TPRG1: variants seen among roughly 807,000 people sequenced by gnomAD.
TPRG1 encodes tumor protein p63-regulated gene 1 protein.
In TPRG1, 29 loss-of-function variants were observed where a neutral mutation model predicts 29.3. The observed-to-expected ratio is 0.99, with a 90% CI of 0.74 to 1.35. The LOEUF (loss-of-function observed/expected upper bound fraction) is 1.35. Ranked by LOEUF, TPRG1 falls within the 40% of genes most tolerant of loss-of-function variation. The probability of loss-of-function intolerance (pLI) is 0.00; values close to 1 mark genes in which losing one functional copy is unlikely to be tolerated. For missense variants in TPRG1, 327 were observed against 335.0 expected (o/e 0.98, Z 0.19); for synonymous variants, 130 against 116.8 (o/e 1.11, Z -0.73).
At chr3:189,123,705 A>G (rs1722090658) in intron 1 of TPRG1, 1 of 152,214 alleles carries the variant, frequency 6.6e-6, no homozygotes, top group African/African-American at 2.4e-5. Context: ...TATAAGGTAC[A>G]ACATTCATTG....
upstream of TPRG1, among the ~76,000 whole-genome samples, chr3:189,098,806 C>T (rs1718867410): frequency 6.6e-6 from 1 of 152,150 alleles, no homozygotes; most frequent in Non-Finnish European, 1.5e-5. Context: ...CAAAATTCAA[C>T]ATGAAGTCTC....
In TPRG1 at chr3:189,322,676, T is replaced by C. The variant is rs1287509358; in HGVS notation, c.*1856T>C. 8 of 152,560 alleles carry C rather than the reference T, an allele frequency of 5.2e-5. No homozygotes were observed. The highest frequency in any genetic ancestry group is 1.9e-4 in the African/African-American group (8 of 41,432). The allele number at this position is 152,560 out of a possible 1,614,324, so 9.5% of individuals were successfully genotyped here. ...CCTCTGAAATGTCCAGCACATTCTT[T>C]TGAGTTACCATTTAAGGATCAGCCT... On this transcript the variant is annotated 3_prime_UTR_variant, in exon 6 of 6. Coordinates refer to ENST00000345063, the MANE Select transcript of TPRG1 (RefSeq NM_198485.4).
intron 3 of TPRG1, among the ~76,000 whole-genome samples, chr3:189,006,936 T>C (rs1313984872): frequency 6.6e-6 from 1 of 152,048 alleles, no homozygotes; most frequent in Non-Finnish European, 1.5e-5. Flanking sequence ...TTTAAGAAAA[T>C]GATTCCCTAG....
intron 5 of TPRG1, among the ~76,000 whole-genome samples, chr3:189,314,714 A>G (rs1723213884): frequency 6.6e-6 from 1 of 152,172 alleles, no homozygotes; most frequent in African/African-American, 2.4e-5. Context: ...CTAGTATACT[A>G]TTATATAGTT....
chr3:189,320,064 A>G (rs1387169192), intron 5 of TPRG1, among the ~76,000 whole-genome samples: 1 of 151,944 alleles, frequency 6.6e-6, no homozygotes, highest in Non-Finnish European at 1.5e-5. Context: ...ACCACATTCT[A>G]TTTTCCTTCT....
intron 5 of TPRG1, chr3:189,313,206 A>C (rs1437689607): frequency 1.3e-5 from 2 of 151,890 alleles, no homozygotes; most frequent in Non-Finnish European, 1.5e-5. Context: ...TTTGTGTCTT[A>C]TTTTCTCTTT....
intron 4 of TPRG1, among the ~76,000 whole-genome samples, chr3:189,149,528 T>C (rs1053251299): frequency 4.6e-5 from 7 of 152,230 alleles, no homozygotes; most frequent in Non-Finnish European, 1.0e-4. Flanking sequence ...TAAGAACTGA[T>C]GAAGAGTGAC....
At chr3:189,228,291 C>T (rs1180171528) in intron 3 of TPRG1, among the ~76,000 whole-genome samples, 1 of 151,984 alleles carries the variant, frequency 6.6e-6, no homozygotes, top group Non-Finnish European at 1.5e-5. Context: ...GCCAGTATAA[C>T]CTGATACCAA....
At chr3:189,097,164 TC>T (rs1175759725), upstream of TPRG1, among the ~76,000 whole-genome samples, 5 of 152,238 alleles carry the variant, frequency 3.3e-5, no homozygotes, top group Admixed American at 6.5e-5. Context: ...ACTCAAATTA[TC>T]ACATATTTCA....
intron 1 of TPRG1, among the ~76,000 whole-genome samples, chr3:189,112,516 G>A (rs551526627): frequency 3.1e-4 from 47 of 152,208 alleles, no homozygotes; most frequent in African/African-American, 8.2e-4. Context: ...TAGGTCTAAC[G>A]TTTAAGTCTT....
At chr3:189,017,914 T>C (rs1029358452) in intron 3 of TPRG1, among the ~76,000 whole-genome samples, 30 of 151,582 alleles carry the variant, frequency 2.0e-4, no homozygotes, top group African/African-American at 6.0e-4. Flanking sequence ...TTTTTAATGA[T>C]CGCCATTCTA....
intron 1 of TPRG1, among the ~76,000 whole-genome samples, chr3:189,199,439 A>G (rs965873023): frequency 6.6e-6 from 1 of 152,206 alleles, no homozygotes; most frequent in African/African-American, 2.4e-5. Flanking sequence ...TTTTCCCTCA[A>G]ATAAAAGCTT....
intron 4 of TPRG1, among the ~76,000 whole-genome samples, chr3:189,086,036 C>T (rs1717912518): frequency 6.6e-6 from 1 of 152,128 alleles, no homozygotes; most frequent in Non-Finnish European, 1.5e-5. Context: ...AGCTGAGGAG[C>T]AACGAAGTCA....
chr3:189,018,171 T>G (rs1268282329), intron 3 of TPRG1, among the ~76,000 whole-genome samples: 7 of 150,848 alleles, frequency 4.6e-5, no homozygotes, highest in South Asian at 2.1e-4. Flanking sequence ...TTTCTCCCAT[T>G]TTGTAGGTTG....
intron 4 of TPRG1, among the ~76,000 whole-genome samples, chr3:189,066,847 A>T (rs1485741506): frequency 6.6e-6 from 1 of 152,120 alleles, no homozygotes; most frequent in Non-Finnish European, 1.5e-5. Context: ...AAAACAGAAA[A>T]GGCATCCAAA....
chr3:189,025,936 A>G (rs1713637205), intron 4 of TPRG1, among the ~76,000 whole-genome samples: 1 of 152,232 alleles, frequency 6.6e-6, no homozygotes, highest in Admixed American at 6.5e-5. Flanking sequence ...ATGTGTTGTT[A>G]TTAATCGTGA....
At chr3:189,258,775 G>A (rs1712408069) in intron 4 of TPRG1, among the ~76,000 whole-genome samples, 3 of 152,122 alleles carry the variant, frequency 2.0e-5, no homozygotes, top group Non-Finnish European at 2.9e-5. Context: ...CATCCAGTCC[G>A]AACTTCCCAG....
intron 3 of TPRG1, among the ~76,000 whole-genome samples, chr3:189,231,943 T>TTGCGTGTGTGTGTG (rs1553927538): frequency 6.8e-6 from 1 of 147,588 alleles, no homozygotes; most frequent in Non-Finnish European, 1.5e-5. Flanking sequence ...CAAACCTGGT[T>TTGCGTGTGTGTGTG]TGTGTGTGTG....
chr3:189,075,227 G>A (rs920646698), intron 4 of TPRG1, among the ~76,000 whole-genome samples: 1 of 151,888 alleles, frequency 6.6e-6, no homozygotes, highest in African/African-American at 2.4e-5. Flanking sequence ...CTGCCTCCCG[G>A]GTGCAAGTGG....
Sources: gnomAD v4.1 joint callset for allele counts (sites outside exome capture counted in the v4.1 genomes callset) on GRCh38, gnomAD v4.1.1 for gene constraint, MANE v1.5 for transcripts, NCBI Gene and HGNC (gene_info 2026-07-23, HGNC 2026-07-21) for gene names.